Variants in DNAH9 observed in about 807,000 individuals in gnomAD.
DNAH9 encodes the protein DNAH9 variant protein.
A neutral mutation model predicts 471.6 loss-of-function variants in DNAH9; 345 were observed. That is an observed-to-expected ratio of 0.73 (90% confidence interval 0.67 to 0.80). DNAH9 has a LOEUF of 0.80. DNAH9 is among the 30% of genes least tolerant of loss of function. The pLI, the probability that DNAH9 is intolerant of heterozygous loss-of-function variation, is 0.00. For synonymous variants in DNAH9, 2,093 were observed against 2,123.6 expected, an observed-to-expected ratio of 0.99 and a Z score of 0.40; for missense variants, 5,407 against 5,609.2, an observed-to-expected ratio of 0.96 and a Z score of 1.15.
rs183095350 is a variant in DNAH9, at chr17:11,926,250, T to C, written c.11877+2309T>C. Among the ~76,000 whole-genome samples, 32 of 152,236 alleles carry C rather than the reference T, an allele frequency of 2.1e-4. 1 individual carries two copies. The highest frequency in any genetic ancestry group is 1.8e-3 in the Admixed American group (28 of 15,280). On this transcript the variant is annotated intron_variant, in intron 62 of 68. Coordinates refer to ENST00000262442, the MANE Select transcript of DNAH9 (RefSeq NM_001372.4). ...GTTGAACACAGGCCTTCTTTTTTTT[T>C]CTTCAACTTTTATTTTAAGTTCTGG...
chr17:11,763,056 G>A (rs1028510874), intron 35 of DNAH9, among the ~76,000 whole-genome samples: 9 of 152,000 alleles, frequency 5.9e-5, no homozygotes, highest in African/African-American at 1.2e-4. Context: ...TGGGATTACC[G>A]TTGAGGTGCT....
At chr17:11,601,872 G>A (rs1275549209) in intron 1 of DNAH9, among the ~76,000 whole-genome samples, 1 of 152,166 alleles carries the variant, frequency 6.6e-6, no homozygotes, top group African/African-American at 2.4e-5. Flanking sequence ...CCTTGTGTGT[G>A]TGTGGGCGGG....
At chr17:11,924,482 C>T (rs1472455836) in intron 62 of DNAH9, among the ~76,000 whole-genome samples, 2 of 152,124 alleles carry the variant, frequency 1.3e-5, no homozygotes, top group East Asian at 3.9e-4. Context: ...GGCTACCTCT[C>T]TTCTATCAGA....
At chr17:11,802,654 A>AG (rs1443783102) in intron 43 of DNAH9, among the ~76,000 whole-genome samples, 1 of 151,472 alleles carries the variant, frequency 6.6e-6, no homozygotes, top group Non-Finnish European at 1.5e-5. Flanking sequence ...CAGACAAAAA[A>AG]AAAAAAAAAG....
At chr17:11,945,523 G>C (rs1975083244) in intron 67 of DNAH9, among the ~76,000 whole-genome samples, 1 of 145,954 alleles carries the variant, frequency 6.9e-6, no homozygotes. Flanking sequence ...GGGTGACAGA[G>C]AGAGATTCCA....
intron 51 of DNAH9, among the ~76,000 whole-genome samples, chr17:11,870,007 G>A (rs1002859033): frequency 1.3e-5 from 2 of 151,992 alleles, no homozygotes; most frequent in Non-Finnish European, 2.9e-5. Context: ...TGGAAGGGAG[G>A]GTGCAGCTGG....
chr17:11,609,520 C>T (rs1005267714), intron 2 of DNAH9, among the ~76,000 whole-genome samples: 3 of 152,086 alleles, frequency 2.0e-5, no homozygotes, highest in Non-Finnish European at 2.9e-5. Context: ...CCTTTAATAT[C>T]TTCCACAATC....
chr17:11,701,002 G>T, intron 23 of DNAH9, 120 bp from the exon 24 acceptor site: 1 of 1,048,112 alleles, frequency 9.5e-7, no homozygotes, highest in South Asian at 1.5e-5. Context: ...CAGCCACTTG[G>T]GGCTGTATAC....
chr17:11,755,610 A>G (rs536981305), intron 33 of DNAH9, among the ~76,000 whole-genome samples: 1 of 152,016 alleles, frequency 6.6e-6, no homozygotes, highest in African/African-American at 2.4e-5. Flanking sequence ...CATTGTTCCA[A>G]TATAGTCTAG....
At chr17:11,845,773 T>C (rs1383661135) in intron 49 of DNAH9, among the ~76,000 whole-genome samples, 5 of 140,330 alleles carry the variant, frequency 3.6e-5, no homozygotes, top group Non-Finnish European at 7.7e-5. Flanking sequence ...TGAGCATTTT[T>C]TCATGTGTTT....
At chr17:11,615,429 A>G (rs552968787) in intron 4 of DNAH9, among the ~76,000 whole-genome samples, 132 of 152,086 alleles carry the variant, frequency 8.7e-4, no homozygotes, top group Non-Finnish European at 1.7e-3. Context: ...TACTCAAAAT[A>G]CAAAAATTAG....
chr17:11,871,717 C>G lies in DNAH9; in HGVS notation c.10173C>G (p.Gly3391=). The G allele has an allele frequency of 6.2e-7, 1 of 1,614,214 alleles. No individual in the cohort carries two copies. The highest frequency in any genetic ancestry group is 8.5e-7 in the Non-Finnish European group (1 of 1,180,038). Reference sequence around the variant, plus strand: ...TAACGGCTTTCATTTCCTACCTTGGCTTCTTCACAAAGAAATACCGGCAGA... The same window carrying G: ...TAACGGCTTTCATTTCCTACCTTGGGTTCTTCACAAAGAAATACCGGCAGA... ...LLITAFISYL[G]FFTKKYRQSL... is the part of the protein sequence containing the mutation. The change falls in exon 52 of 69, where the codon GGC becomes GGG. Residue 3391 remains glycine (G), a synonymous_variant. Transcript: ENST00000262442.
chr17:11,731,899 CT>C (rs2075277030), intron 28 of DNAH9, among the ~76,000 whole-genome samples: 1 of 152,132 alleles, frequency 6.6e-6, no homozygotes, highest in Non-Finnish European at 1.5e-5. Context: ...ATTTATAATC[CT>C]TTGGGTATAT....
At chr17:11,632,993 T>G (rs7226237) in intron 8 of DNAH9, among the ~76,000 whole-genome samples, 1 of 151,840 alleles carries the variant, frequency 6.6e-6, no homozygotes, top group African/African-American at 2.4e-5. Flanking sequence ...GTAGGGAAAG[T>G]GTGACCATGC....
At chr17:11,888,401 A>G (rs1371209229) in intron 57 of DNAH9, among the ~76,000 whole-genome samples, 1 of 152,222 alleles carries the variant, frequency 6.6e-6, no homozygotes, top group East Asian at 1.9e-4. Flanking sequence ...GATAAGCCTA[A>G]TAACCACAGG....
At chr17:11,610,588 T>G (rs998064347) in intron 3 of DNAH9, 34 bp downstream of exon 3, 1 of 1,605,516 alleles carries the variant, frequency 6.2e-7, no homozygotes, top group Non-Finnish European at 8.5e-7. Flanking sequence ...AAGTCTGGGG[T>G]GAAGATGTCT....
At chr17:11,873,716 A>G (rs1447907536) in intron 52 of DNAH9, among the ~76,000 whole-genome samples, 1 of 147,860 alleles carries the variant, frequency 6.8e-6, no homozygotes, top group Non-Finnish European at 1.5e-5. Context: ...GACAGAAAAC[A>G]TATTCATAGT....
intron 48 of DNAH9, among the ~76,000 whole-genome samples, chr17:11,824,778 A>G (rs955099989): frequency 6.6e-6 from 1 of 152,040 alleles, no homozygotes; most frequent in African/African-American, 2.4e-5. Context: ...TTTCTGCTAC[A>G]GTTTCACAGA....
At chr17:11,605,476 TCTGTTGTTGTTG>T (rs1168404445) in intron 1 of DNAH9, among the ~76,000 whole-genome samples, 58 of 151,044 alleles carry the variant, frequency 3.8e-4, no homozygotes, top group Admixed American at 1.4e-3. Context: ...AGCTTTTTGG[TCTGTTGTTGTTG>T]TTGTTGTTGT....
Sources: allele counts gnomAD v4.1 joint callset (sites outside exome capture counted in the v4.1 genomes callset), GRCh38; gene constraint gnomAD v4.1.1; transcripts MANE v1.5; gene names NCBI Gene and HGNC (gene_info 2026-07-23, HGNC 2026-07-21).